SEMA5A: variants seen among roughly 807,000 people sequenced by gnomAD.
The protein encoded by SEMA5A is semaphorin-5A.
A neutral mutation model predicts 135.5 loss-of-function variants in SEMA5A; 55 were observed. That is an observed-to-expected ratio of 0.41 (90% CI 0.33 to 0.51). The LOEUF (loss-of-function observed/expected upper bound fraction) is 0.51, where lower values mean the gene tolerates loss of function less well. Ranked by LOEUF, SEMA5A falls within the 20% of genes least tolerant of loss-of-function variation. SEMA5A has a pLI of 0.37. For missense variants in SEMA5A, 1,290 were observed against 1,419.9 expected, an observed-to-expected ratio of 0.91 and a Z score of 1.47; for synonymous variants, 580 against 546.5, an observed-to-expected ratio of 1.06 and a Z score of -0.85.
intron 5 of SEMA5A, among the ~76,000 whole-genome samples, chr5:9,314,755 G>C (rs1329643224): frequency 1.3e-5 from 2 of 152,044 alleles, no homozygotes; most frequent in Non-Finnish European, 2.9e-5. Context: ...TAAGTAAACA[G>C]TAGGCTACAG....
chr5:9,059,376 C>T (rs568612270), intron 18 of SEMA5A, among the ~76,000 whole-genome samples: 11 of 151,952 alleles, frequency 7.2e-5, no homozygotes, highest in Admixed American at 6.5e-4. Flanking sequence ...TCAATGCTGG[C>T]GTAAATTATG....
At position 9,204,241 on chromosome 5, in the gene SEMA5A, G is replaced by A. The variant is rs1745884944; in HGVS notation, c.647-2001C>T. 6.6e-6 allele frequency among the ~76,000 whole-genome samples: 1 copy of A among 152,126 alleles called. No individual in the cohort carries two copies. Among genetic ancestry groups the A allele is most frequent in the Admixed American group, 6.6e-5 (1 of 15,254 alleles). On this transcript the variant is annotated intron_variant, in intron 8 of 22. Coordinates refer to ENST00000382496, the MANE Select transcript of SEMA5A (RefSeq NM_003966.3). This position sits in a 1 kb window ranked among gnomAD's most constrained non-coding sequence, Gnocchi z 6.4. ...AACAAGCAACCCTTCCTAAAATGTG[G>A]AAAACAAAGAGAGAAGGCGTAAGGG...
At chr5:9,263,613 C>T (rs974545343) in intron 5 of SEMA5A, among the ~76,000 whole-genome samples, 3 of 152,168 alleles carry the variant, frequency 2.0e-5, no homozygotes, top group African/African-American at 7.2e-5. Flanking sequence ...CGTTAGAACT[C>T]TTGTATTCTA....
chr5:9,267,090 T>C (rs1171931242), intron 5 of SEMA5A, among the ~76,000 whole-genome samples: 1 of 152,194 alleles, frequency 6.6e-6, no homozygotes, highest in Non-Finnish European at 1.5e-5. Flanking sequence ...ATTTCTAGGT[T>C]GCTGGCTCAA....
At chr5:9,507,695 G>T (rs1260905669) in intron 1 of SEMA5A, among the ~76,000 whole-genome samples, 1 of 152,094 alleles carries the variant, frequency 6.6e-6, no homozygotes, top group Non-Finnish European at 1.5e-5. Context: ...GTGGAAGGCT[G>T]CTTTTCTAGC....
rs774223907 is a variant in SEMA5A at position 9,197,152 on chromosome 5, G to GCC, written c.1068+14_1068+15dup. On this transcript the variant is annotated intron_variant, in intron 10 of 22. Coordinates refer to ENST00000382496, the MANE Select transcript of SEMA5A (RefSeq NM_003966.3). Reference sequence around the variant, plus strand: ...TGGGGGATGCCAACAGTGCCCCTTTGCCCCCCGAAAATTACCTGGAAGTGG... The same window carrying GCC: ...TGGGGGATGCCAACAGTGCCCCTTTGCCCCCCCCGAAAATTACCTGGAAGTGG... 1 of 1,613,896 alleles carries GCC rather than the reference G, an allele frequency of 6.2e-7. No homozygotes were observed. The highest frequency in any genetic ancestry group is 8.5e-7 in the Non-Finnish European group (1 of 1,179,958).
intron 2 of SEMA5A, among the ~76,000 whole-genome samples, chr5:9,428,296 T>C (rs939404085): frequency 6.6e-6 from 1 of 152,104 alleles, no homozygotes; most frequent in African/African-American, 2.4e-5. Context: ...ATTTCAGTCT[T>C]CTGAGCTTGG....
At chr5:9,280,421 T>A (rs1029937890) in intron 5 of SEMA5A, among the ~76,000 whole-genome samples, 2 of 152,142 alleles carry the variant, frequency 1.3e-5, no homozygotes, top group Non-Finnish European at 2.9e-5. Context: ...GTGAAGCACA[T>A]CTGGACACAG....
At chr5:9,077,600 T>C (rs146247609) in intron 16 of SEMA5A, among the ~76,000 whole-genome samples, 13 of 152,212 alleles carry the variant, frequency 8.5e-5, no homozygotes, top group African/African-American at 3.1e-4. Flanking sequence ...TACCTTATCA[T>C]GCATCATGAA....
intron 1 of SEMA5A, among the ~76,000 whole-genome samples, chr5:9,468,149 G>T (rs1359305340): frequency 6.6e-6 from 1 of 152,154 alleles, no homozygotes; most frequent in African/African-American, 2.4e-5. Context: ...GGCAGGGAGG[G>T]CCCGGGAAAG....
intron 5 of SEMA5A, among the ~76,000 whole-genome samples, chr5:9,280,488 G>A (rs569111213): frequency 3.9e-5 from 6 of 152,252 alleles, no homozygotes; most frequent in African/African-American, 1.4e-4. Context: ...GCCTGACCCC[G>A]TGTTAGTGCC....
chr5:9,513,187 A>G (rs1260573281), intron 1 of SEMA5A, among the ~76,000 whole-genome samples: 1 of 151,558 alleles, frequency 6.6e-6, no homozygotes, highest in Non-Finnish European at 1.5e-5. Flanking sequence ...GTTTTTTTAA[A>G]AAGAATCACA....
At chr5:9,330,844 G>A (rs763747042) in intron 4 of SEMA5A, among the ~76,000 whole-genome samples, 10 of 152,180 alleles carry the variant, frequency 6.6e-5, no homozygotes, top group Non-Finnish European at 1.0e-4. Context: ...AAACCCTAAA[G>A]TGGAGGTTCA....
intron 1 of SEMA5A, among the ~76,000 whole-genome samples, chr5:9,478,058 A>G (rs553826537): frequency 6.6e-6 from 1 of 152,300 alleles, no homozygotes; most frequent in East Asian, 1.9e-4. Context: ...ACATGACTAT[A>G]GGGGCCAAGG....
intron 1 of SEMA5A, among the ~76,000 whole-genome samples, chr5:9,497,670 C>G (rs1430229347): frequency 6.6e-6 from 1 of 152,146 alleles, no homozygotes; most frequent in Non-Finnish European, 1.5e-5. Context: ...TTATCATTGT[C>G]CTCATTTTAC....
intron 16 of SEMA5A, among the ~76,000 whole-genome samples, chr5:9,102,502 T>C (rs1188517005): frequency 6.6e-6 from 1 of 152,166 alleles, no homozygotes; most frequent in Non-Finnish European, 1.5e-5. Context: ...TAGAGTCTTA[T>C]AAGGATATAG....
At chr5:9,290,654 C>T (rs977110648) in intron 5 of SEMA5A, among the ~76,000 whole-genome samples, 3 of 152,052 alleles carry the variant, frequency 2.0e-5, no homozygotes, top group Admixed American at 2.0e-4. Context: ...GAAATAGGTA[C>T]ATAGAGATGA....
chr5:9,165,491 C>T (rs993084421), intron 11 of SEMA5A, among the ~76,000 whole-genome samples: 3 of 152,076 alleles, frequency 2.0e-5, no homozygotes, highest in African/African-American at 4.8e-5. Context: ...AGAAATTAAA[C>T]GTGTGAGGAA....
intron 14 of SEMA5A, among the ~76,000 whole-genome samples, chr5:9,122,176 A>G (rs1460343144): frequency 1.3e-5 from 2 of 152,190 alleles, no homozygotes; most frequent in Non-Finnish European, 2.9e-5. Flanking sequence ...AAAGCTATTC[A>G]ATAGGTTATC....
Sources: allele counts gnomAD v4.1 joint callset (sites outside exome capture counted in the v4.1 genomes callset), GRCh38; gene constraint gnomAD v4.1.1; non-coding constraint Gnocchi (gnomAD v3.1); transcripts MANE v1.5; gene names NCBI Gene and HGNC (gene_info 2026-07-23, HGNC 2026-07-21).